MTX2: variants seen among roughly 807,000 people sequenced by gnomAD.
MTX2 encodes the protein metaxin-2.
Under a neutral mutation model 42.3 loss-of-function variants are expected in MTX2, and 35 were observed. That is an observed-to-expected ratio of 0.83 (90% confidence interval 0.63 to 1.10). The LOEUF (loss-of-function observed/expected upper bound fraction) is 1.10. Ranked by LOEUF, MTX2 falls within the 50% of genes least tolerant of loss-of-function variation. MTX2 has a pLI of 0.00. For missense variants in MTX2, 307 were observed against 304.1 expected, an observed-to-expected ratio of 1.01 and a Z score of -0.07; for synonymous variants, 119 against 100.9, an observed-to-expected ratio of 1.18 and a Z score of -1.08.
chr2:176,283,473 T>C (rs1463684564), intron 1 of MTX2, among the ~76,000 whole-genome samples: 1 of 152,190 alleles, frequency 6.6e-6, no homozygotes, highest in East Asian at 1.9e-4. Context: ...GTTTCCTTCT[T>C]CTTGGAGAAT....
intron 6 of MTX2, 102 bp from the exon 7 acceptor site, chr2:176,328,772 T>C: frequency 9.2e-7 from 1 of 1,081,108 alleles, no homozygotes; most frequent in Non-Finnish European, 1.4e-6. Flanking sequence ...ATGTGTGACT[T>C]ATGAAATTAG....
chr2:176,272,705 AACAT>A (rs1692851706), intron 1 of MTX2, among the ~76,000 whole-genome samples: 1 of 152,154 alleles, frequency 6.6e-6, no homozygotes, highest in South Asian at 2.1e-4. Flanking sequence ...AATCTATATA[AACAT>A]ACATATGTTT....
intron 3 of MTX2, among the ~76,000 whole-genome samples, chr2:176,302,006 T>C (rs1189542995): frequency 2.0e-5 from 3 of 152,116 alleles, no homozygotes; most frequent in African/African-American, 7.2e-5. Context: ...TATAATAAAA[T>C]GTTACTTTCT....
rs527715788 is a variant in MTX2, at chr2:176,285,619, G to A, written c.41-11241G>A. Among the ~76,000 whole-genome samples, 4 of 148,526 alleles carry A rather than the reference G, an allele frequency of 2.7e-5. No individual in the cohort carries two copies. In the South Asian group the frequency reaches 8.4e-4, roughly 31 times the overall value. Reference sequence around the variant, plus strand: ...ACATGTCATATAAATGGAATCATATGTTTTCTTTTGTGTCTGGCTTTTTTT... The same window carrying A: ...ACATGTCATATAAATGGAATCATATATTTTCTTTTGTGTCTGGCTTTTTTT... On this transcript the variant is annotated intron_variant, in intron 1 of 9. Coordinates refer to ENST00000249442, the MANE Select transcript of MTX2 (RefSeq NM_006554.5).
intron 1 of MTX2, among the ~76,000 whole-genome samples, chr2:176,296,586 T>A (rs925797298): frequency 2.0e-5 from 3 of 152,160 alleles, no homozygotes; most frequent in Non-Finnish European, 2.9e-5. Context: ...TTGTTTTTTT[T>A]ATTCTCATTT....
In MTX2 at chr2:176,315,330, A is replaced by T. The variant is rs796298053; in HGVS notation, c.136-8062A>T. ...CATCTTTCTAGTTGTTTATGCCAGA[A>T]ATTTTTAGTCATTTTTGGAATTATT... On this transcript the variant is annotated intron_variant, in intron 3 of 9. Transcript: ENST00000249442. 5.9e-4 allele frequency among the ~76,000 whole-genome samples: 90 copies of T among 152,264 alleles called. 1 individual carries two copies. Among genetic ancestry groups the T allele is most frequent in the African/African-American group, 2.1e-3 (87 of 41,562 alleles).
At chr2:176,334,305 C>T (rs993438957) in intron 9 of MTX2, among the ~76,000 whole-genome samples, 1 of 151,750 alleles carries the variant, frequency 6.6e-6, no homozygotes, top group African/African-American at 2.4e-5. Context: ...GGCTCTAGTA[C>T]AAGAAGTATA....
chr2:176,333,350 A>C (rs1684904796), intron 9 of MTX2, among the ~76,000 whole-genome samples: 1 of 151,604 alleles, frequency 6.6e-6, no homozygotes, highest in South Asian at 2.1e-4. Context: ...TAAATAGTTC[A>C]GTAGAAATAC....
At chr2:176,296,782 G>A in intron 1 of MTX2, 78 bp from the exon 2 acceptor site, 2 of 1,433,100 alleles carry the variant, frequency 1.4e-6, no homozygotes, top group South Asian at 2.3e-5. Context: ...GTAGGCAAAT[G>A]TACATGCTTA....
Position 176,326,866 on chromosome 2 carries a change from G to A in MTX2, c.250G>A (p.Glu84Lys), listed in dbSNP as rs781289848. 8 of 1,576,472 alleles carry A rather than the reference G, an allele frequency of 5.1e-6. No individual in the cohort carries two copies. The South Asian group carries it at 9.3e-5, about 18-fold the overall frequency. Reference sequence around the variant, plus strand: ...TCATGTGGGAAATCAAGTAGTATCAGAACTTGGTCCAATAGTCCAATTTGT... The same window carrying A: ...TCATGTGGGAAATCAAGTAGTATCAAAACTTGGTCCAATAGTCCAATTTGT... ...FIHVGNQVVS[E>K]LGPIVQFVKA... Residue 84 changes from glutamate to lysine, a missense_variant, in exon 5 of 10, where the codon GAA becomes AAA. Physicochemically the swap from Glu to Lys is moderately conservative, Grantham distance 56. Coordinates refer to ENST00000249442, the MANE Select transcript of MTX2 (RefSeq NM_006554.5).
Position 176,328,361 on chromosome 2 carries a change from C to A in MTX2, c.354C>A (p.Val118=). The change falls in exon 6 of 10, where the codon GTC becomes GTA. Residue 118 remains valine, a synonymous_variant. Coordinates refer to ENST00000249442, the MANE Select transcript of MTX2 (RefSeq NM_006554.5). The part of the protein sequence containing the change: ...KAEMKAYMEL[V]NNMLLTAELY... ...AAATGAAAGCTTACATGGAATTAGT[C>A]AACAATATGCTGTTGACTGCAGAGG... is the stretch of plus-strand genomic sequence containing the variant. 1 of 1,581,470 alleles carries A rather than the reference C, an allele frequency of 6.3e-7. No homozygotes were observed. The highest frequency in any genetic ancestry group is 1.2e-5 in the South Asian group (1 of 85,422).
At chr2:176,281,279 A>G (rs1693072266) in intron 1 of MTX2, among the ~76,000 whole-genome samples, 1 of 152,170 alleles carries the variant, frequency 6.6e-6, no homozygotes, top group Non-Finnish European at 1.5e-5. Flanking sequence ...CTGGGTCTTA[A>G]GCTGAAAAGA....
chr2:176,280,569 C>A (rs1232721254), intron 1 of MTX2, among the ~76,000 whole-genome samples: 1 of 152,172 alleles, frequency 6.6e-6, no homozygotes, highest in African/African-American at 2.4e-5. Flanking sequence ...CATATCCACA[C>A]ACATTTGTGT....
At chr2:176,296,439 G>A (rs1412626833) in intron 1 of MTX2, among the ~76,000 whole-genome samples, 6 of 152,064 alleles carry the variant, frequency 3.9e-5, no homozygotes, top group Middle Eastern at 3.4e-3. Flanking sequence ...AAAGTTTGCC[G>A]TAAAATATTA....
In MTX2 at chr2:176,328,961, AC is replaced by A. The variant is rs769933191; in HGVS notation, c.417+50del. 1.1e-4 allele frequency: 158 copies of A among 1,488,534 alleles called. 1 individual carries two copies. The South Asian group carries it at 1.7e-3, about 16-fold the overall frequency. 92.2% of individuals were successfully genotyped at this position (1,488,534 alleles called of 1,614,324 possible). On this transcript the variant is annotated intron_variant, in intron 7 of 9. Transcript: ENST00000249442. ...CTTAATTAAAATTTAATGAGAAAAC[AC>A]TTTTGCTCAGAATCGCAAGTCCCTG...
chr2:176,304,743 G>A (rs1325657689), intron 3 of MTX2, among the ~76,000 whole-genome samples: 1 of 152,004 alleles, frequency 6.6e-6, no homozygotes, highest in African/African-American at 2.4e-5. Context: ...GGCATTGCAT[G>A]CTTGCGAGTA....
intron 1 of MTX2, among the ~76,000 whole-genome samples, chr2:176,279,014 A>T (rs1298852109): frequency 6.6e-6 from 1 of 152,214 alleles, no homozygotes; most frequent in African/African-American, 2.4e-5. Context: ...GGTTCTTTTC[A>T]TAAAAGCAAT....
chr2:176,287,148 C>A (rs1693224822), intron 1 of MTX2, among the ~76,000 whole-genome samples: 1 of 152,184 alleles, frequency 6.6e-6, no homozygotes, highest in South Asian at 2.1e-4. Flanking sequence ...AGATAGGCCA[C>A]ATGATACCTC....
chr2:176,322,255 A>G (rs1055257740), intron 3 of MTX2, among the ~76,000 whole-genome samples: 20 of 152,164 alleles, frequency 1.3e-4, no homozygotes, highest in African/African-American at 4.6e-4. Context: ...TTAACACTTA[A>G]GAGTCTTAAC....
Sources: allele counts gnomAD v4.1 joint callset (sites outside exome capture counted in the v4.1 genomes callset), GRCh38; gene constraint gnomAD v4.1.1; transcripts MANE v1.5; gene names NCBI Gene and HGNC (gene_info 2026-07-23, HGNC 2026-07-21).